FBLN5: variants seen among roughly 807,000 people sequenced by gnomAD.
The protein encoded by FBLN5 is fibulin-5.
FBLN5 carries 24 observed loss-of-function variants against 61.6 expected under a neutral mutation model. The observed-to-expected ratio is 0.39, with a 90% CI of 0.28 to 0.55. FBLN5 has a LOEUF of 0.55. Ranked by LOEUF, FBLN5 falls within the 20% of genes least tolerant of loss-of-function variation. The probability of loss-of-function intolerance (pLI) is 0.65; values close to 1 mark genes in which losing one functional copy is unlikely to be tolerated. For synonymous variants in FBLN5, 213 were observed against 219.8 expected (o/e 0.97, Z 0.27); for missense variants, 470 against 594.1 (o/e 0.79, Z 2.17).
intron 7 of FBLN5, among the ~76,000 whole-genome samples, chr14:91,884,878 T>C (rs1319593553): frequency 1.3e-5 from 2 of 152,254 alleles, no homozygotes; most frequent in Non-Finnish European, 2.9e-5. Flanking sequence ...TGCTTAGGGC[T>C]GTGGCTCCAC....
chr14:91,914,427 G>A (rs944443106), intron 4 of FBLN5, among the ~76,000 whole-genome samples: 13 of 134,808 alleles, frequency 9.6e-5, no homozygotes, highest in Non-Finnish European at 1.1e-4. Flanking sequence ...GCAGTGAGCC[G>A]AGATCATGCC....
chr14:91,919,915 A>G (rs2055705216), intron 4 of FBLN5, among the ~76,000 whole-genome samples: 1 of 152,164 alleles, frequency 6.6e-6, no homozygotes, highest in Non-Finnish European at 1.5e-5. Flanking sequence ...AAACTAGTAC[A>G]TTGTGTGGGC....
At chr14:91,940,482 T>C (rs1196307391) in intron 3 of FBLN5, 83 bp downstream of exon 3, 15 of 1,171,186 alleles carry the variant, frequency 1.3e-5, no homozygotes, top group Admixed American at 1.7e-5. Context: ...TGGCTAATCA[T>C]TGAACAACAG....
At chr14:91,879,183 T>A (rs1320943680) in intron 9 of FBLN5, among the ~76,000 whole-genome samples, 1 of 151,828 alleles carries the variant, frequency 6.6e-6, no homozygotes, top group African/African-American at 2.4e-5. Context: ...CTAAAAGAAG[T>A]TTGGAGGAGG....
intron 4 of FBLN5, among the ~76,000 whole-genome samples, chr14:91,900,836 G>A (rs1340580469): frequency 1.3e-5 from 2 of 152,172 alleles, no homozygotes; most frequent in Non-Finnish European, 2.9e-5. Context: ...TGACAGCTGT[G>A]GAAGATAGAA....
chr14:91,899,756 G>A (rs985051112), intron 4 of FBLN5, among the ~76,000 whole-genome samples: 6 of 152,212 alleles, frequency 3.9e-5, no homozygotes, highest in Non-Finnish European at 7.3e-5. Context: ...TAAGCTTTAC[G>A]TGGGCAGATA....
intron 4 of FBLN5, among the ~76,000 whole-genome samples, chr14:91,930,420 A>G (rs988150702): frequency 9.2e-5 from 14 of 152,194 alleles, no homozygotes; most frequent in African/African-American, 2.9e-4. Context: ...TCACAAAGAC[A>G]TCTGAGCGAA....
rs556379768 is a variant in FBLN5, at chr14:91,918,232, C to T, written c.379+18715G>A. 1.2e-4 allele frequency among the ~76,000 whole-genome samples: 18 copies of T among 152,268 alleles called. No homozygotes were observed. The South Asian group carries it at 2.5e-3, about 21-fold the overall frequency. The stretch of plus-strand genomic sequence containing the variant: ...GGGAACAAAGTGCTTCTAAGTGATT[C>T]GAAGCTTTTCAGAATCAGCCTGCCA... On this transcript the variant is annotated intron_variant, in intron 4 of 10. Coordinates refer to ENST00000342058, the MANE Select transcript of FBLN5 (RefSeq NM_006329.4).
intron 6 of FBLN5, among the ~76,000 whole-genome samples, chr14:91,889,224 G>A (rs1426181337): frequency 6.6e-6 from 1 of 152,252 alleles, no homozygotes; most frequent in Non-Finnish European, 1.5e-5. Flanking sequence ...CTGAGTGCAA[G>A]TTCAGACAGG....
chr14:91,873,878 C>T (rs1192973554), intron 10 of FBLN5: 1 of 152,308 alleles, frequency 6.6e-6, no homozygotes, highest in Non-Finnish European at 1.5e-5. Context: ...TCCATGGGCC[C>T]TGTCACTTGA....
chr14:91,914,851 T>C (rs966270916), intron 4 of FBLN5, among the ~76,000 whole-genome samples: 26 of 152,156 alleles, frequency 1.7e-4, no homozygotes, highest in African/African-American at 5.5e-4. Context: ...TTTTGTTTTT[T>C]GTTTTTTAAT....
chr14:91,871,221 TAA>T (rs55903830), intron 10 of FBLN5, among the ~76,000 whole-genome samples: 1 of 137,932 alleles, frequency 7.2e-6, no homozygotes, highest in African/African-American at 2.7e-5. Context: ...ATCAGTAATT[TAA>T]AAAAAAAAAA....
At chr14:91,927,911 C>G (rs551660978) in intron 4 of FBLN5, among the ~76,000 whole-genome samples, 422 of 152,332 alleles carry the variant, frequency 2.8e-3, no homozygotes, top group African/African-American at 9.8e-3. Context: ...AAGATGAGAG[C>G]CAAGAAAAAC....
At chr14:91,910,144 T>C (rs1890858083) in intron 4 of FBLN5, among the ~76,000 whole-genome samples, 3 of 152,202 alleles carry the variant, frequency 2.0e-5, no homozygotes, top group African/African-American at 4.8e-5. Flanking sequence ...AGCCGTTGAA[T>C]GAATACCCAA....
At chr14:91,871,152 G>A (rs538362601) in intron 10 of FBLN5, among the ~76,000 whole-genome samples, 2 of 149,984 alleles carry the variant, frequency 1.3e-5, no homozygotes, top group East Asian at 3.9e-4. Context: ...ACTCTTGAAA[G>A]TGGAATAAAA....
At chr14:91,933,285 AT>A (rs1369103495) in intron 4 of FBLN5, among the ~76,000 whole-genome samples, 1 of 151,888 alleles carries the variant, frequency 6.6e-6, no homozygotes, top group African/African-American at 2.4e-5. Context: ...TTAATTTTTT[AT>A]TTTTTTGAGG....
chr14:91,895,489 A>T (rs935019134), intron 4 of FBLN5, among the ~76,000 whole-genome samples: 1 of 152,164 alleles, frequency 6.6e-6, no homozygotes, highest in African/African-American at 2.4e-5. Flanking sequence ...ACCACTGAGA[A>T]CAAAACAGAA....
intron 4 of FBLN5, among the ~76,000 whole-genome samples, chr14:91,898,315 G>A (rs918733014): frequency 1.3e-5 from 2 of 151,960 alleles, no homozygotes; most frequent in Non-Finnish European, 2.9e-5. Flanking sequence ...ACACATGAAC[G>A]GCAAACATCA....
intron 10 of FBLN5, among the ~76,000 whole-genome samples, chr14:91,872,672 T>A (rs928466898): frequency 5.3e-5 from 8 of 152,146 alleles, no homozygotes; most frequent in African/African-American, 1.7e-4. Flanking sequence ...GCCACACAAT[T>A]TCCTCTTGGC....
Sources: allele counts gnomAD v4.1 joint callset (sites outside exome capture counted in the v4.1 genomes callset), GRCh38; gene constraint gnomAD v4.1.1; transcripts MANE v1.5; gene names NCBI Gene and HGNC (gene_info 2026-07-23, HGNC 2026-07-21).